DLGAP1: variants seen among roughly 807,000 people sequenced by gnomAD.
DLGAP1 encodes the protein DLG associated protein 1, also known as disks large-associated protein 1.
In DLGAP1, 11 loss-of-function variants were observed where a neutral mutation model predicts 90.8. The observed-to-expected ratio is 0.12, with a 90% confidence interval of 0.08 to 0.20. The LOEUF is 0.20. Ranked by LOEUF, DLGAP1 falls within the 10% of genes least tolerant of loss-of-function variation. DLGAP1 has a pLI of 1.00. For synonymous variants in DLGAP1, 558 were observed against 540.7 expected, an observed-to-expected ratio of 1.03 and a Z score of -0.44; for missense variants, 1,050 against 1,333.8, an observed-to-expected ratio of 0.79 and a Z score of 3.31.
At chr18:3,989,983 A>G (rs1444620011) in intron 3 of DLGAP1, among the ~76,000 whole-genome samples, 2 of 152,158 alleles carry the variant, frequency 1.3e-5, no homozygotes, top group East Asian at 3.9e-4. Context: ...TCAGGAAACA[A>G]CAGGTGCTGG....
At chr18:3,639,340 C>T (rs1019462579) in intron 7 of DLGAP1, among the ~76,000 whole-genome samples, 7 of 124,666 alleles carry the variant, frequency 5.6e-5, no homozygotes, top group South Asian at 2.2e-4. Context: ...TGGGCAACAG[C>T]GAGACTCCAT....
At chr18:3,567,769 G>A (rs2054521585) in intron 8 of DLGAP1, among the ~76,000 whole-genome samples, 188 bp from the exon 9 acceptor site, 1 of 152,116 alleles carries the variant, frequency 6.6e-6, no homozygotes, top group African/African-American at 2.4e-5. Context: ...TTAGTAAAAT[G>A]CAATTTTATC....
intron 1 of DLGAP1, among the ~76,000 whole-genome samples, chr18:4,221,244 T>G (rs140744071): frequency 6.6e-6 from 1 of 152,136 alleles, no homozygotes; most frequent in Admixed American, 6.6e-5. Flanking sequence ...TTTCTTACAA[T>G]TGAATCCCTT....
At chr18:4,114,580 T>TC (rs1465172400) in intron 2 of DLGAP1, among the ~76,000 whole-genome samples, 6 of 152,312 alleles carry the variant, frequency 3.9e-5, no homozygotes, top group Non-Finnish European at 5.9e-5. Flanking sequence ...CTTCTTCTTT[T>TC]CCTATTTAGA....
intron 1 of DLGAP1, among the ~76,000 whole-genome samples, chr18:4,350,374 A>G (rs17661049): frequency 0.41 from 62,347 of 152,072 alleles, 14,844 homozygotes; most frequent in East Asian, 0.66. Flanking sequence ...ATGAGATATT[A>G]TATTTTCCTA....
chr18:4,164,274 A>C (rs1367101726), intron 1 of DLGAP1, among the ~76,000 whole-genome samples: 1 of 152,226 alleles, frequency 6.6e-6, no homozygotes, highest in East Asian at 1.9e-4. Context: ...AAATCAAGGA[A>C]ACAACAACTT....
intron 3 of DLGAP1, among the ~76,000 whole-genome samples, chr18:3,949,562 C>T (rs2072943315): frequency 6.6e-6 from 1 of 152,200 alleles, no homozygotes; most frequent in Non-Finnish European, 1.5e-5. Flanking sequence ...CTGCCTTCCT[C>T]ACAGGACCCT....
intron 2 of DLGAP1, among the ~76,000 whole-genome samples, chr18:4,126,187 C>T (rs1347834063): frequency 6.6e-6 from 1 of 152,028 alleles, no homozygotes; most frequent in Non-Finnish European, 1.5e-5. Flanking sequence ...AGGGGGATCA[C>T]ATTAAAAAAT....
intron 4 of DLGAP1, among the ~76,000 whole-genome samples, chr18:3,846,518 T>G (rs1388425364): frequency 6.6e-6 from 1 of 152,182 alleles, no homozygotes; most frequent in Non-Finnish European, 1.5e-5. Context: ...GCACCATTAT[T>G]CACAATAGTC....
intron 1 of DLGAP1, among the ~76,000 whole-genome samples, chr18:4,249,411 A>C (rs961061977): frequency 1.3e-5 from 2 of 148,438 alleles, no homozygotes; most frequent in Non-Finnish European, 3.0e-5. Context: ...TAAGGATCCC[A>C]GCAAGTTAAT....
intron 7 of DLGAP1, chr18:3,655,957 G>A (rs2059466730): frequency 2.3e-6 from 2 of 858,004 alleles, no homozygotes; most frequent in South Asian, 1.8e-5. Context: ...AAACACAGAT[G>A]CAATGGCAAT....
chr18:3,596,953 C>T (rs761957813), intron 7 of DLGAP1: 11 of 520,008 alleles, frequency 2.1e-5, no homozygotes, highest in Admixed American at 1.2e-4. Flanking sequence ...TCCCCTGGGT[C>T]GTCCACCCGA....
intron 1 of DLGAP1, among the ~76,000 whole-genome samples, chr18:4,233,321 T>C (rs1598681845): frequency 6.6e-6 from 1 of 152,192 alleles, no homozygotes; most frequent in Non-Finnish European, 1.5e-5. Context: ...TTCCTTAGTA[T>C]TTCCTTGTCT....
intron 9 of DLGAP1, among the ~76,000 whole-genome samples, chr18:3,558,501 AG>A (rs1344078006): frequency 5.3e-5 from 8 of 152,242 alleles, no homozygotes; most frequent in African/African-American, 1.9e-4. Flanking sequence ...CCAAAGTGCT[AG>A]GATTACAGGT....
intron 1 of DLGAP1, among the ~76,000 whole-genome samples, chr18:4,453,565 G>A (rs1251246582): frequency 2.6e-5 from 4 of 152,072 alleles, no homozygotes; most frequent in African/African-American, 4.8e-5. Context: ...AGCTCTTTCA[G>A]GGTAAAAAAT....
intron 1 of DLGAP1, among the ~76,000 whole-genome samples, chr18:4,326,334 G>A (rs943415741): frequency 2.6e-5 from 4 of 152,008 alleles, no homozygotes; most frequent in Admixed American, 1.3e-4. Context: ...TTATTAAAAA[G>A]ACAATAAAAG....
chr18:3,946,360 T>A (rs1800906524), intron 3 of DLGAP1, among the ~76,000 whole-genome samples: 1 of 152,170 alleles, frequency 6.6e-6, no homozygotes, highest in Non-Finnish European at 1.5e-5. Context: ...TAATAATTAT[T>A]AGACCAGGTC....
intron 1 of DLGAP1, among the ~76,000 whole-genome samples, chr18:4,307,503 A>C (rs1012961765): frequency 6.6e-6 from 1 of 152,152 alleles, no homozygotes; most frequent in African/African-American, 2.4e-5. Context: ...ACAATATTCT[A>C]GGTGCTTTAC....
intron 11 of DLGAP1, among the ~76,000 whole-genome samples, chr18:3,508,017 G>A (rs991130609): frequency 5.3e-5 from 8 of 152,172 alleles, no homozygotes; most frequent in East Asian, 1.9e-4. Context: ...GATTACAGGC[G>A]TGAGCCATTG....
Sources: allele counts gnomAD v4.1 joint callset (sites outside exome capture counted in the v4.1 genomes callset), GRCh38; gene constraint gnomAD v4.1.1; transcripts MANE v1.5; gene names NCBI Gene and HGNC (gene_info 2026-07-23, HGNC 2026-07-21).